The following C6orf163 variants were observed in gnomAD, a reference collection of about 807,000 sequenced individuals.
The protein encoded by C6orf163 is uncharacterized protein C6orf163.
Under a neutral mutation model 28.4 loss-of-function variants are expected in C6orf163, and 22 were observed. That is an observed-to-expected ratio of 0.78 (90% CI 0.55 to 1.11). The LOEUF (loss-of-function observed/expected upper bound fraction) is 1.11. C6orf163 is among the 50% of genes least tolerant of loss of function. The probability of loss-of-function intolerance (pLI) is 0.00; values close to 1 mark genes in which losing one functional copy is unlikely to be tolerated. For missense variants in C6orf163, 342 were observed against 389.1 expected (o/e 0.88, Z 1.02); for synonymous variants, 110 against 123.6 (o/e 0.89, Z 0.73).
intron 3 of C6orf163, among the ~76,000 whole-genome samples, chr6:87,353,642 CA>C (rs1462163939): frequency 6.6e-6 from 1 of 152,108 alleles, no homozygotes; most frequent in Non-Finnish European, 1.5e-5. Flanking sequence ...GTCTTAAACT[CA>C]ACCACCACCC....
chr6:87,362,947 A>G (rs1028983134), intron 4 of C6orf163, among the ~76,000 whole-genome samples: 2 of 152,220 alleles, frequency 1.3e-5, no homozygotes, highest in Admixed American at 1.3e-4. Context: ...CACAGTGGCT[A>G]AGAGCTTTTG....
Position 87,364,940 on chromosome 6 carries a change from A to C in C6orf163, c.555-21A>C, listed in dbSNP as rs376174325. On this transcript the variant is annotated intron_variant, in intron 4 of 4. Coordinates refer to ENST00000388923, the MANE Select transcript of C6orf163 (RefSeq NM_001010868.3). ...TAGTGGCCAATCCATCTAAATTATA[A>C]ATCCATATTATCTTTTGTAGCAAAG... 1.7e-5 allele frequency: 26 copies of C among 1,499,122 alleles called. No individual in the cohort carries two copies. In the African/African-American group the frequency reaches 3.3e-4, roughly 19 times the overall value. The allele number at this position is 1,499,122 out of a possible 1,614,324, so 92.9% of individuals were successfully genotyped here.
At chr6:87,359,879 C>G (rs1247667508) in intron 4 of C6orf163, among the ~76,000 whole-genome samples, 1 of 152,136 alleles carries the variant, frequency 6.6e-6, no homozygotes, top group Non-Finnish European at 1.5e-5. Flanking sequence ...ATAGAGATGC[C>G]AGAAGAACCT....
At chr6:87,354,900 T>A (rs1490271331) in intron 3 of C6orf163, among the ~76,000 whole-genome samples, 2 of 152,344 alleles carry the variant, frequency 1.3e-5, no homozygotes, top group East Asian at 3.9e-4. Flanking sequence ...AGCTGAGGAT[T>A]CTCTCTGGAC....
chr6:87,345,907 ACT>A (rs1285663876), intron 1 of C6orf163, among the ~76,000 whole-genome samples: 2 of 119,870 alleles, frequency 1.7e-5, no homozygotes, highest in African/African-American at 7.2e-5. Flanking sequence ...ACAGAGCGAG[ACT>A]CTGCCTCAAA....
At chr6:87,348,328 T>G in intron 1 of C6orf163, 1 of 986,076 alleles carries the variant, frequency 1.0e-6, no homozygotes, top group Non-Finnish European at 1.2e-6. Context: ...CTTCTACCCC[T>G]TAGCTCACTC....
intron 4 of C6orf163, among the ~76,000 whole-genome samples, chr6:87,359,926 C>T (rs1777557713): frequency 6.6e-6 from 1 of 152,164 alleles, no homozygotes; most frequent in Admixed American, 6.5e-5. Flanking sequence ...CACTTCACAT[C>T]AGAATGGGCA....
At chr6:87,356,542 T>G in intron 4 of C6orf163, 39 bp downstream of exon 4, 1 of 1,533,690 alleles carries the variant, frequency 6.5e-7, no homozygotes, top group African/African-American at 1.4e-5. Flanking sequence ...GTAACTTCCT[T>G]TATCAAAATC....
At chr6:87,353,141 AAG>A (rs1225008198) in intron 3 of C6orf163, among the ~76,000 whole-genome samples, 1 of 152,156 alleles carries the variant, frequency 6.6e-6, no homozygotes, top group Non-Finnish European at 1.5e-5. Flanking sequence ...CATTACATAA[AAG>A]AGGGACTGAG....
In C6orf163 at chr6:87,356,424, A is replaced by G; in HGVS notation, c.475A>G (p.Arg159Gly). The G allele has an allele frequency of 2.6e-6, 4 of 1,551,832 alleles. No homozygotes were observed. Among genetic ancestry groups the G allele is most frequent in the Non-Finnish European group, 3.5e-6 (4 of 1,147,010 alleles). ...RIQRIMMECH[R>G]EKVEAVEKAR... Reference sequence around the variant, plus strand: ...CCAAAGGATTATGATGGAATGCCACAGAGAGAAGGTCGAAGCTGTGGAGAA... The same window carrying G: ...CCAAAGGATTATGATGGAATGCCACGGAGAGAAGGTCGAAGCTGTGGAGAA... The change falls in exon 4 of 5, where the codon AGA (arginine) becomes GGA (glycine). Residue 159 changes from arginine (R) to glycine (G), a missense_variant. Transcript: ENST00000388923.
chr6:87,353,542 A>G (rs917001348), intron 3 of C6orf163, among the ~76,000 whole-genome samples: 1 of 152,130 alleles, frequency 6.6e-6, no homozygotes, highest in African/African-American at 2.4e-5. Context: ...TCCTTCTTCA[A>G]TAGATGTTTG....
At chr6:87,352,084 G>A (rs970563065) in intron 3 of C6orf163, among the ~76,000 whole-genome samples, 1 of 130,534 alleles carries the variant, frequency 7.7e-6, no homozygotes, top group Non-Finnish European at 1.8e-5. Context: ...AAGGTAAATA[G>A]TTAAAGGGGG....
At chr6:87,345,409 A>G (rs1299894478) in intron 1 of C6orf163, among the ~76,000 whole-genome samples, 162 bp downstream of exon 1, 2 of 152,170 alleles carry the variant, frequency 1.3e-5, no homozygotes, top group Admixed American at 6.5e-5. Context: ...CTCCACTTAC[A>G]GTTGTATGTA....
chr6:87,355,188 C>T (rs1777480648), intron 3 of C6orf163, among the ~76,000 whole-genome samples: 1 of 152,226 alleles, frequency 6.6e-6, no homozygotes, highest in South Asian at 2.1e-4. Context: ...GCTTCTATCC[C>T]TAGTTCTTCC....
In C6orf163 at chr6:87,363,601, G is replaced by GT. The variant is rs377640999; in HGVS notation, c.555-1354dup. Among the ~76,000 whole-genome samples the GT allele has an allele frequency of 5.0e-3, 764 of 152,002 alleles. 6 individuals are homozygous for GT. Among genetic ancestry groups the GT allele is most frequent in the African/African-American group, 0.016 (673 of 41,448 alleles). On this transcript the variant is annotated intron_variant, in intron 4 of 4. Transcript: ENST00000388923. Reference sequence around the variant, plus strand: ...TATGAGTGAGAATATGCAGTGTTTGGTTTTTTGTTCTTGCAATAGTTTACT... The same window carrying GT: ...TATGAGTGAGAATATGCAGTGTTTGGTTTTTTTGTTCTTGCAATAGTTTACT...
intron 4 of C6orf163, among the ~76,000 whole-genome samples, chr6:87,362,975 C>A (rs1459386411): frequency 1.3e-5 from 2 of 152,174 alleles, no homozygotes; most frequent in African/African-American, 2.4e-5. Context: ...CTCAGACTGC[C>A]TGAGTTGTGT....
intron 4 of C6orf163, among the ~76,000 whole-genome samples, chr6:87,363,758 T>A (rs554261434): frequency 1.5e-4 from 23 of 152,196 alleles, no homozygotes; most frequent in Admixed American, 3.3e-4. Flanking sequence ...GTTGGACATT[T>A]GGGTTGGTTC....
rs186150751 is a variant in C6orf163 at position 87,348,987 on chromosome 6, T to C, written c.243+81T>C. 296 of 1,499,800 alleles carry C rather than the reference T, an allele frequency of 2.0e-4. No individual in the cohort carries two copies. The African/African-American group carries it at 3.7e-3, about 19-fold the overall frequency. 92.9% of individuals were successfully genotyped at this position (1,499,800 alleles called of 1,614,324 possible). A position where few individuals can be genotyped will look rare whatever the true frequency, so the allele number is the denominator to read the frequency against. On this transcript the variant is annotated intron_variant, in intron 2 of 4. Transcript: ENST00000388923. ...GGATTTGTCTGAAACAATTGTATAGTGTAGTAGTCAGAACTGACTGAATCC... is the reference window on the plus strand; with the variant it reads ...GGATTTGTCTGAAACAATTGTATAGCGTAGTAGTCAGAACTGACTGAATCC...
chr6:87,351,741 A>G (rs1234234278), intron 3 of C6orf163, among the ~76,000 whole-genome samples: 1 of 152,224 alleles, frequency 6.6e-6, no homozygotes, highest in African/African-American at 2.4e-5. Context: ...TAAGCCCTCT[A>G]TCACCTTGGT....
Sources: gnomAD v4.1 joint callset for allele counts (sites outside exome capture counted in the v4.1 genomes callset) on GRCh38, gnomAD v4.1.1 for gene constraint, MANE v1.5 for transcripts, NCBI Gene and HGNC (gene_info 2026-07-23, HGNC 2026-07-21) for gene names.